The following RFX3 variants were observed in gnomAD, a reference collection of about 807,000 sequenced individuals.
RFX3 encodes the protein regulatory factor X3.
Under a neutral mutation model 98.6 loss-of-function variants are expected in RFX3, and 14 were observed. The observed-to-expected ratio is 0.14, with a 90% confidence interval of 0.09 to 0.22. RFX3 has a LOEUF of 0.22. RFX3 is among the 10% of genes least tolerant of loss of function. The pLI is 1.00. For synonymous variants in RFX3, 383 were observed against 328.4 expected, an observed-to-expected ratio of 1.17 and a Z score of -1.80; for missense variants, 639 against 926.9, an observed-to-expected ratio of 0.69 and a Z score of 4.03.
At chr9:3,387,266 C>T (rs1419917931) in intron 2 of RFX3, among the ~76,000 whole-genome samples, 1 of 152,090 alleles carries the variant, frequency 6.6e-6, no homozygotes, top group Non-Finnish European at 1.5e-5. Context: ...CATCAAATAC[C>T]ATGTCAAATT....
chr9:3,482,037 T>G (rs546554989), intron 1 of RFX3, among the ~76,000 whole-genome samples: 1 of 152,030 alleles, frequency 6.6e-6, no homozygotes, highest in East Asian at 1.9e-4. Flanking sequence ...ATTCCACACC[T>G]AGGAATTCAT....
At chr9:3,350,597 AC>A in intron 2 of RFX3, among the ~76,000 whole-genome samples, 1 of 152,292 alleles carries the variant, frequency 6.6e-6, no homozygotes, top group East Asian at 1.9e-4. Context: ...TTACGTATAC[AC>A]AAAAACAGGC....
At chr9:3,435,965 T>C (rs1339423450) in intron 1 of RFX3, among the ~76,000 whole-genome samples, 1 of 152,038 alleles carries the variant, frequency 6.6e-6, no homozygotes, top group Non-Finnish European at 1.5e-5. Flanking sequence ...CGTGCTATTT[T>C]CAGGACTGGG....
chr9:3,235,683 C>T (rs1563776887), intron 15 of RFX3, among the ~76,000 whole-genome samples: 1 of 152,122 alleles, frequency 6.6e-6, no homozygotes, highest in Non-Finnish European at 1.5e-5. Context: ...CTTCCATTTT[C>T]AAAGCCAGTG....
At chr9:3,458,720 A>G (rs1847413651) in intron 1 of RFX3, among the ~76,000 whole-genome samples, 1 of 152,188 alleles carries the variant, frequency 6.6e-6, no homozygotes, top group Admixed American at 6.5e-5. Flanking sequence ...TCTGGAGTCA[A>G]TGAACATGTG....
chr9:3,450,380 CTCTTT>C (rs1846473722), intron 1 of RFX3, among the ~76,000 whole-genome samples: 1 of 151,260 alleles, frequency 6.6e-6, no homozygotes, highest in African/African-American at 2.5e-5. Context: ...ATGTTTTTCT[CTCTTT>C]TTTTTGCTAT....
chr9:3,520,752 T>C (rs867650599), intron 1 of RFX3, among the ~76,000 whole-genome samples: 13 of 152,230 alleles, frequency 8.5e-5, no homozygotes, highest in African/African-American at 2.9e-4. Flanking sequence ...CATAGCCCAC[T>C]GTAACCTGAA....
At chr9:3,348,851 A>G (rs771813354) in intron 2 of RFX3, among the ~76,000 whole-genome samples, 5 of 152,066 alleles carry the variant, frequency 3.3e-5, no homozygotes, top group Admixed American at 6.6e-5. Context: ...TAACCCCACC[A>G]TCTTTCTTAA....
At chr9:3,450,052 T>C (rs1045477776) in intron 1 of RFX3, among the ~76,000 whole-genome samples, 6 of 152,226 alleles carry the variant, frequency 3.9e-5, no homozygotes, top group Non-Finnish European at 7.3e-5. Flanking sequence ...ATCTGGTTGC[T>C]TGATGGGCTG....
At chr9:3,498,357 TTAGA>T (rs1564176364) in intron 1 of RFX3, among the ~76,000 whole-genome samples, 1 of 152,086 alleles carries the variant, frequency 6.6e-6, no homozygotes, top group Admixed American at 6.6e-5. Context: ...GCCTGTTTTC[TTAGA>T]TAAATTTTAA....
intron 4 of RFX3, among the ~76,000 whole-genome samples, chr9:3,311,550 C>G (rs2130473382): frequency 6.6e-6 from 1 of 152,248 alleles, no homozygotes; most frequent in South Asian, 2.1e-4. Context: ...AAAATGTGGT[C>G]CTGAACCAGC....
chr9:3,412,386 G>C (rs1842535194), intron 1 of RFX3, among the ~76,000 whole-genome samples: 1 of 152,094 alleles, frequency 6.6e-6, no homozygotes, highest in African/African-American at 2.4e-5. Context: ...ATAGAATTGA[G>C]CTCTTAAGTT....
chr9:3,478,306 A>G (rs1259902906), intron 1 of RFX3, among the ~76,000 whole-genome samples: 1 of 151,646 alleles, frequency 6.6e-6, no homozygotes, highest in African/African-American at 2.4e-5. Flanking sequence ...TTTAATCATC[A>G]GTGTGTTGTT....
At chr9:3,284,856 T>G (rs576778884) in intron 7 of RFX3, among the ~76,000 whole-genome samples, 1 of 151,834 alleles carries the variant, frequency 6.6e-6, no homozygotes, top group African/African-American at 2.4e-5. Context: ...GACATCTGCT[T>G]TCCAATCAGA....
At chr9:3,512,901 A>G (rs1199535049) in intron 1 of RFX3, among the ~76,000 whole-genome samples, 1 of 152,004 alleles carries the variant, frequency 6.6e-6, no homozygotes, top group Non-Finnish European at 1.5e-5. Context: ...ATCTCTTCCA[A>G]CACTTTTTTA....
intron 1 of RFX3, among the ~76,000 whole-genome samples, chr9:3,423,417 T>C (rs1029219735): frequency 6.6e-6 from 1 of 152,184 alleles, no homozygotes; most frequent in Non-Finnish European, 1.5e-5. Context: ...AACTGTAGTA[T>C]ACTCCTAAAA....
chr9:3,416,294 A>G (rs991687551), intron 1 of RFX3, among the ~76,000 whole-genome samples: 1 of 152,200 alleles, frequency 6.6e-6, no homozygotes, highest in Non-Finnish European at 1.5e-5. Context: ...CATGAACATT[A>G]TACTGGTTAA....
intron 15 of RFX3, among the ~76,000 whole-genome samples, chr9:3,232,369 T>G (rs1818584682): frequency 6.6e-6 from 1 of 152,114 alleles, no homozygotes; most frequent in African/African-American, 2.4e-5. Context: ...GGCAGCCCTA[T>G]CTTGAGTATC....
intron 3 of RFX3, 55 bp from the exon 4 acceptor site, chr9:3,330,572 AT>A: frequency 6.7e-7 from 1 of 1,491,564 alleles, no homozygotes; most frequent in Admixed American, 2.0e-5. Context: ...CATCTTATTA[AT>A]TTTTTTCTAA....
Sources: allele counts gnomAD v4.1 joint callset (sites outside exome capture counted in the v4.1 genomes callset), GRCh38; gene constraint gnomAD v4.1.1; transcripts MANE v1.5; gene names NCBI Gene and HGNC (gene_info 2026-07-23, HGNC 2026-07-21).